The following EHBP1 variants were observed in gnomAD, a reference collection of about 807,000 sequenced individuals.
The protein encoded by EHBP1 is EH domain binding protein 1, also known as EH domain-binding protein 1.
Under a neutral mutation model 144.0 loss-of-function variants are expected in EHBP1, and 55 were observed. The ratio of observed to expected loss-of-function variants is 0.38; its 90% confidence interval spans 0.31 to 0.48. The LOEUF (loss-of-function observed/expected upper bound fraction) is 0.48, where lower values mean the gene tolerates loss of function less well. Among genes scored for constraint, EHBP1 ranks in the 20% least tolerant of loss-of-function variants. The probability of loss-of-function intolerance (pLI) is 0.98; values close to 1 mark genes in which losing one functional copy is unlikely to be tolerated. For missense variants in EHBP1, 1,200 were observed against 1,364.2 expected (o/e 0.88, Z 1.90); for synonymous variants, 469 against 472.7 (o/e 0.99, Z 0.10).
At chr2:62,851,172 A>G (rs2048670171) in intron 7 of EHBP1, among the ~76,000 whole-genome samples, 1 of 152,168 alleles carries the variant, frequency 6.6e-6, no homozygotes, top group South Asian at 2.1e-4. Flanking sequence ...AAACGCTGCC[A>G]CCATGTTGCT....
chr2:62,911,854 T>A (rs188441231), intron 10 of EHBP1, among the ~76,000 whole-genome samples: 6 of 152,294 alleles, frequency 3.9e-5, no homozygotes, highest in Admixed American at 6.5e-5. Flanking sequence ...GATAGATTTG[T>A]CTGTGTAATG....
chr2:62,893,510 T>G (rs1369959241), intron 10 of EHBP1, among the ~76,000 whole-genome samples: 1 of 152,156 alleles, frequency 6.6e-6, no homozygotes. Context: ...TAAAAATAAA[T>G]TATTTATCTT....
intron 5 of EHBP1, among the ~76,000 whole-genome samples, chr2:62,803,213 G>C (rs984683566): frequency 1.1e-4 from 17 of 150,534 alleles, no homozygotes; most frequent in African/African-American, 4.2e-4. Flanking sequence ...ACTGCATTGG[G>C]CACAGAGTGA....
chr2:62,828,590 GT>G, intron 6 of EHBP1, among the ~76,000 whole-genome samples: 1 of 152,254 alleles, frequency 6.6e-6, no homozygotes, highest in South Asian at 2.1e-4. Flanking sequence ...TTATGGCCCT[GT>G]TGGAAAAACA....
chr2:62,677,239 A>G (rs1199842331), intron 1 of EHBP1, among the ~76,000 whole-genome samples: 1 of 152,232 alleles, frequency 6.6e-6, no homozygotes, highest in Non-Finnish European at 1.5e-5. Flanking sequence ...CCAAAACAGT[A>G]GATGAATACA....
At chr2:62,687,863 A>T (rs1428304613) in intron 1 of EHBP1, among the ~76,000 whole-genome samples, 1 of 152,168 alleles carries the variant, frequency 6.6e-6, no homozygotes, top group African/African-American at 2.4e-5. Flanking sequence ...AGATAGTAAG[A>T]GTGAGTCAGT....
At chr2:62,963,556 AT>A (rs2058099613) in intron 14 of EHBP1, among the ~76,000 whole-genome samples, 1 of 152,242 alleles carries the variant, frequency 6.6e-6, no homozygotes, top group Non-Finnish European at 1.5e-5. Flanking sequence ...AGTTAAATAG[AT>A]AGCTTCTTAG....
intron 5 of EHBP1, among the ~76,000 whole-genome samples, chr2:62,810,212 T>G (rs2044871602): frequency 6.6e-6 from 1 of 152,242 alleles, no homozygotes; most frequent in Non-Finnish European, 1.5e-5. Flanking sequence ...TATAATTTTC[T>G]GTGGTGAATT....
chr2:62,920,315 T>G (rs148752075), intron 10 of EHBP1, among the ~76,000 whole-genome samples: 20 of 152,244 alleles, frequency 1.3e-4, no homozygotes, highest in Non-Finnish European at 2.1e-4. Flanking sequence ...TAGACTGATA[T>G]GATATATTCA....
intron 14 of EHBP1, 196 bp downstream of exon 14, chr2:62,955,856 T>A (rs1048781001): frequency 1.8e-5 from 8 of 448,212 alleles, no homozygotes; most frequent in African/African-American, 1.0e-4. Context: ...AGAGCAGTGT[T>A]AGTGATGAGG....
chr2:62,807,978 T>C (rs988206379), intron 5 of EHBP1, among the ~76,000 whole-genome samples: 5 of 151,894 alleles, frequency 3.3e-5, no homozygotes, highest in African/African-American at 4.8e-5. Flanking sequence ...CCCAGCACTT[T>C]GGGAGGCTGA....
chr2:62,713,759 T>A (rs1424462391), intron 2 of EHBP1, among the ~76,000 whole-genome samples: 1 of 152,244 alleles, frequency 6.6e-6, no homozygotes, highest in East Asian at 1.9e-4. Context: ...TATTGTAAGT[T>A]GTCAAAGGCA....
intron 7 of EHBP1, chr2:62,858,315 C>T (rs2049233337): frequency 3.9e-6 from 3 of 763,110 alleles, no homozygotes; most frequent in Non-Finnish European, 6.6e-6. Flanking sequence ...CAAACATCTC[C>T]TCTTTGTCTT....
chr2:62,793,572 G>A (rs898966439), intron 5 of EHBP1, among the ~76,000 whole-genome samples: 1 of 152,088 alleles, frequency 6.6e-6, no homozygotes. Flanking sequence ...ATGACTAGGG[G>A]TGTGTGTGGT....
At chr2:62,808,626 C>G (rs1299926508) in intron 5 of EHBP1, among the ~76,000 whole-genome samples, 1 of 152,090 alleles carries the variant, frequency 6.6e-6, no homozygotes, top group East Asian at 1.9e-4. Context: ...GGTTCTGATG[C>G]TTGCTCTGTC....
intron 19 of EHBP1, among the ~76,000 whole-genome samples, chr2:63,008,718 C>T (rs1207236771): frequency 2.0e-5 from 3 of 148,332 alleles, no homozygotes; most frequent in African/African-American, 7.4e-5. Context: ...TAAATTATAA[C>T]TGGATTGCAA....
intron 5 of EHBP1, among the ~76,000 whole-genome samples, chr2:62,804,230 G>A (rs554903166): frequency 2.2e-4 from 33 of 152,332 alleles, no homozygotes; most frequent in Middle Eastern, 6.8e-3. Flanking sequence ...ATCAGAGACA[G>A]TGCTGCAAAG....
chr2:62,901,714 C>T (rs1373098896), intron 10 of EHBP1, among the ~76,000 whole-genome samples: 1 of 151,490 alleles, frequency 6.6e-6, no homozygotes, highest in Non-Finnish European at 1.5e-5. Context: ...CCTATAATCC[C>T]AGCACTTTCC....
chr2:62,951,534 TGGGG>T lies in EHBP1; in HGVS notation c.2316+2381_2316+2384del, dbSNP rs70962799. ...TACAAATTTTTCTTTTTTTTTTTTT[TGGGG>T]GGGGGGGGTGGAGTCTTGCCCTGTC... On this transcript the variant is annotated intron_variant, in intron 13 of 22. Transcript: ENST00000431489. Among the ~76,000 whole-genome samples, 26 of 92,352 alleles carry T rather than the reference TGGGG, an allele frequency of 2.8e-4. 1 individual carries two copies. The highest frequency in any genetic ancestry group is 5.6e-3 in the Middle Eastern group (1 of 180). The allele number at this position is 92,352 out of a possible 152,430, so 60.6% of individuals were successfully genotyped here. A position where few individuals can be genotyped will look rare whatever the true frequency, so the allele number is the denominator to read the frequency against.
Sources: allele counts gnomAD v4.1 joint callset (sites outside exome capture counted in the v4.1 genomes callset), GRCh38; gene constraint gnomAD v4.1.1; transcripts MANE v1.5; gene names NCBI Gene and HGNC (gene_info 2026-07-23, HGNC 2026-07-21).